COQ10B: variants seen among roughly 807,000 people sequenced by gnomAD.
COQ10B encodes the protein coenzyme Q10B.
A neutral mutation model predicts 27.6 loss-of-function variants in COQ10B; 12 were observed. The ratio of observed to expected loss-of-function variants is 0.43; its 90% CI spans 0.28 to 0.70. The LOEUF is 0.70. Ranked by LOEUF, COQ10B falls within the 30% of genes least tolerant of loss-of-function variation. The pLI is 0.17. For synonymous variants in COQ10B, 115 were observed against 103.0 expected (o/e 1.12, Z -0.71); for missense variants, 278 against 288.7 (o/e 0.96, Z 0.27).
chr2:197,460,091 T>G lies in COQ10B; in HGVS notation c.254+10T>G. The G allele has an allele frequency of 3.8e-6, 6 of 1,581,228 alleles. No individual in the cohort carries two copies. The highest frequency in any genetic ancestry group is 1.4e-5 in the African/African-American group (1 of 73,892). ...AGAGAAGAATTTTAGGGTTCGTATA[T>G]GATAAGAATTCTACTAAAAGAGCAT... On this transcript the variant is annotated intron_variant, in intron 2 of 4. Transcript: ENST00000263960.
At chr2:197,467,895 T>C (rs2085841928) in intron 3 of COQ10B, among the ~76,000 whole-genome samples, 1 of 152,198 alleles carries the variant, frequency 6.6e-6, no homozygotes, top group Admixed American at 6.5e-5. Context: ...GAGGCAACAG[T>C]TCAATGACTT....
chr2:197,464,032 TACAC>T (rs1245033432), intron 3 of COQ10B, among the ~76,000 whole-genome samples: 195 of 84,682 alleles, frequency 2.3e-3, no homozygotes, highest in African/African-American at 8.0e-3. Context: ...CACACATACA[TACAC>T]ACACATATAT....
At chr2:197,466,545 A>T (rs1263085175) in intron 3 of COQ10B, among the ~76,000 whole-genome samples, 1 of 152,222 alleles carries the variant, frequency 6.6e-6, no homozygotes, top group East Asian at 1.9e-4. Context: ...CAATACTATA[A>T]TGATGGGAGT....
chr2:197,460,238 G>T (rs1188856310), intron 2 of COQ10B, among the ~76,000 whole-genome samples, 157 bp downstream of exon 2: 2 of 148,880 alleles, frequency 1.3e-5, no homozygotes, highest in Non-Finnish European at 3.0e-5. Flanking sequence ...TTTTGAGATG[G>T]AGTCTCACAC....
chr2:197,464,975 T>C (rs929927207), intron 3 of COQ10B, among the ~76,000 whole-genome samples: 5 of 151,264 alleles, frequency 3.3e-5, no homozygotes, highest in African/African-American at 1.2e-4. Context: ...AAGCTCCGCC[T>C]CCTGGGTTCA....
rs201918609 is a variant in COQ10B at position 197,464,818 on chromosome 2, A to AT, written c.447+2097dup. Among the ~76,000 whole-genome samples, 96 of 149,678 alleles carry AT rather than the reference A, an allele frequency of 6.4e-4. 2 individuals are homozygous for AT. In the South Asian group the frequency reaches 8.7e-3, roughly 14 times the overall value. ...ACCAGTGAATATTTCTATAATCTTA[A>AT]TTTTTTTTTTCTATTTCCTGAGCTC... On this transcript the variant is annotated intron_variant, in intron 3 of 4. Transcript: ENST00000263960.
chr2:197,461,928 C>G (rs2085765038), intron 2 of COQ10B, among the ~76,000 whole-genome samples: 1 of 151,916 alleles, frequency 6.6e-6, no homozygotes, highest in Non-Finnish European at 1.5e-5. Flanking sequence ...GGCCACCACT[C>G]CTGGCCATAC....
chr2:197,473,415 A>AAAATATATATATATAT (rs1229206676), intron 4 of COQ10B, among the ~76,000 whole-genome samples: 2 of 59,520 alleles, frequency 3.4e-5, no homozygotes, highest in Non-Finnish European at 2.9e-5. Flanking sequence ...AAAAAAAAAA[A>AAAATATATATATATAT]ATATATATAT....
intron 1 of COQ10B, among the ~76,000 whole-genome samples, chr2:197,457,788 A>G (rs1490951044): frequency 1.3e-5 from 2 of 151,594 alleles, no homozygotes; most frequent in East Asian, 3.9e-4. Flanking sequence ...CACCCGGCTA[A>G]TTTTTGTATT....
intron 3 of COQ10B, among the ~76,000 whole-genome samples, chr2:197,467,529 C>G (rs1337022975): frequency 6.6e-6 from 1 of 152,114 alleles, no homozygotes; most frequent in Non-Finnish European, 1.5e-5. Flanking sequence ...AGGCATGCGC[C>G]ACCACGCCCA....
chr2:197,470,279 G>T, intron 4 of COQ10B, 108 bp downstream of exon 4: 1 of 608,432 alleles, frequency 1.6e-6, no homozygotes, highest in Non-Finnish European at 3.0e-6. Flanking sequence ...ACCTTTTTCT[G>T]CATAAATGCT....
At position 197,464,647 on chromosome 2, in the gene COQ10B, T is replaced by C. The variant is rs114694729; in HGVS notation, c.447+1916T>C. ...TAGCTAACATTTACTGAGCCCATTT[T>C]ACTGCTTTACTTGAATTACTCAAAT... On this transcript the variant is annotated intron_variant, in intron 3 of 4. Transcript: ENST00000263960. Among the ~76,000 whole-genome samples, 1,456 of 152,272 alleles carry C rather than the reference T, an allele frequency of 9.6e-3. 25 individuals carry two copies. The highest frequency in any genetic ancestry group is 0.033 in the African/African-American group (1,375 of 41,558).
chr2:197,464,438 T>A (rs1204759904), intron 3 of COQ10B, among the ~76,000 whole-genome samples: 1 of 152,126 alleles, frequency 6.6e-6, no homozygotes, highest in Non-Finnish European at 1.5e-5. Context: ...CTCTTTCTGG[T>A]GCAGCTAGAA....
At chr2:197,473,417 T>A (rs7578924) in intron 4 of COQ10B, among the ~76,000 whole-genome samples, 39,397 of 70,094 alleles carry the variant, frequency 0.56, 10,656 homozygotes, top group South Asian at 0.61. Context: ...AAAAAAAAAA[T>A]ATATATATAT....
At chr2:197,468,378 G>C (rs1337801324) in intron 3 of COQ10B, among the ~76,000 whole-genome samples, 1 of 148,454 alleles carries the variant, frequency 6.7e-6, no homozygotes, top group South Asian at 2.1e-4. Flanking sequence ...AGGAGGCGGA[G>C]CTTGCAGTGA....
chr2:197,453,981 T>G, intron 1 of COQ10B: 1 of 1,550,968 alleles, frequency 6.4e-7, no homozygotes, highest in South Asian at 1.2e-5. Flanking sequence ...TTGCTACTGC[T>G]GTTGGAAAGT....
Position 197,470,057 on chromosome 2 carries a change from C to G in COQ10B, c.448-13C>G. On this transcript the variant is annotated splice_polypyrimidine_tract_variant and intron_variant, in intron 3 of 4. Transcript: ENST00000263960. The stretch of plus-strand genomic sequence containing the variant: ...GTATTTAACTGTGGTTTTATTTTTT[C>G]ATTTTGTTGTAGGCATCTTGTACTG... 1 of 1,552,768 alleles carries G rather than the reference C, an allele frequency of 6.4e-7. No individual in the cohort carries two copies.
intron 4 of COQ10B, among the ~76,000 whole-genome samples, chr2:197,470,761 G>A (rs568210166): frequency 5.9e-5 from 9 of 152,166 alleles, no homozygotes; most frequent in Non-Finnish European, 1.2e-4. Context: ...CGGGCGTGGT[G>A]GCATGTGCCT....
chr2:197,453,781 T>G (rs761672826), intron 1 of COQ10B, 117 bp downstream of exon 1: 25 of 1,073,880 alleles, frequency 2.3e-5, no homozygotes, highest in Non-Finnish European at 3.4e-5. Context: ...TCCGTGTCTT[T>G]AGAGGAGAAG....
Sources: allele counts gnomAD v4.1 joint callset (sites outside exome capture counted in the v4.1 genomes callset), GRCh38; gene constraint gnomAD v4.1.1; transcripts MANE v1.5; gene names NCBI Gene and HGNC (gene_info 2026-07-23, HGNC 2026-07-21).